The following ARPC4 variants were observed in gnomAD, a reference collection of about 807,000 sequenced individuals.
ARPC4 encodes the protein actin related protein 2/3 complex subunit 4.
Under a neutral mutation model 22.8 loss-of-function variants are expected in ARPC4, and 3 were observed. The ratio of observed to expected loss-of-function variants is 0.13; its 90% CI spans 0.06 to 0.34. The LOEUF is 0.34. ARPC4 is among the 10% of genes least tolerant of loss of function. The pLI, the probability that ARPC4 is intolerant of heterozygous loss-of-function variation, is 1.00. For missense variants in ARPC4, 98 were observed against 211.0 expected, an observed-to-expected ratio of 0.46 and a Z score of 3.32; for synonymous variants, 80 against 72.5, an observed-to-expected ratio of 1.10 and a Z score of -0.52.
chr3:9,794,640 C>T (rs1222022143), intron 1 of ARPC4, among the ~76,000 whole-genome samples: 1 of 152,120 alleles, frequency 6.6e-6, no homozygotes, highest in Admixed American at 6.5e-5. Flanking sequence ...TGTGAATAGC[C>T]ACTGCACTTC....
In ARPC4 at chr3:9,801,739, C is replaced by G; in HGVS notation, c.313C>G (p.Arg105Gly). 1 of 1,603,216 alleles carries G rather than the reference C, an allele frequency of 6.2e-7. No individual in the cohort carries two copies. The highest frequency in any genetic ancestry group is 8.5e-7 in the Non-Finnish European group (1 of 1,173,336). ...MMRAENFFILRRKPVEGYDIS... is the reference protein window; with the variant it reads ...MMRAENFFILGRKPVEGYDIS... ...GCGAGCAGAGAACTTCTTTATCCTT[C>G]GAAGGAAGCCTGTGGAGGTGAGACC... Residue 105 changes from arginine (R) to glycine (G), a missense_variant, in exon 4 of 6, where the codon CGA becomes GGA. Arg to Gly is a moderately radical substitution (Grantham distance 125). Coordinates refer to ENST00000397261, the MANE Select transcript of ARPC4 (RefSeq NM_005718.5).
At chr3:9,802,649 A>C (rs745891132) in intron 4 of ARPC4, among the ~76,000 whole-genome samples, 3 of 142,826 alleles carry the variant, frequency 2.1e-5, no homozygotes, top group Admixed American at 7.1e-5. Flanking sequence ...TGCTGGGATT[A>C]CAGGCTTGAG....
In ARPC4 at chr3:9,797,751, A is replaced by G. The variant is rs774729145; in HGVS notation, c.96A>G (p.Arg32=). The G allele has an allele frequency of 1.9e-6, 3 of 1,614,150 alleles. No homozygotes were observed. Among genetic ancestry groups the G allele is most frequent in the Non-Finnish European group, 2.5e-6 (3 of 1,180,026 alleles). ...LENFSSQVVE[R]HNKPEVEVRS... is the part of the protein sequence containing the mutation. ...ACTTCTCCTCCCAGGTTGTGGAACG[A>G]CACAACAAGCCGGAAGTGGAAGTCA... The change falls in exon 2 of 6, where the codon CGA becomes CGG. Residue 32 remains arginine (R), a synonymous_variant. Transcript: ENST00000397261.
In ARPC4 at chr3:9,806,514, GTCTTT is replaced by G; in HGVS notation, c.*301_*305del. On this transcript the variant is annotated 3_prime_UTR_variant, in exon 6 of 6. Transcript: ENST00000397261. ...GCTTGTAGGATACTGTAACCTTTTT[GTCTTT>G]TTTTTTTTTTTTTTTTTTAAACCTC... 3.2e-6 allele frequency: 1 copy of G among 309,686 alleles called. No homozygotes were observed. 19.2% of individuals were successfully genotyped at this position (309,686 alleles called of 1,614,324 possible). A position where few individuals can be genotyped will look rare whatever the true frequency, so the allele number is the denominator to read the frequency against.
chr3:9,801,771 C>T lies in ARPC4; in HGVS notation c.330+15C>T. On this transcript the variant is annotated intron_variant, in intron 4 of 5. Coordinates refer to ENST00000397261, the MANE Select transcript of ARPC4 (RefSeq NM_005718.5). ...AGCCTGTGGAGGTGAGACCCTGTGA[C>T]CCATGAGTTTGCGATACCCAGGACC... 3 of 1,586,722 alleles carry T rather than the reference C, an allele frequency of 1.9e-6. No individual in the cohort carries two copies. The highest frequency in any genetic ancestry group is 1.7e-6 in the Non-Finnish European group (2 of 1,162,744).
At chr3:9,792,733 G>C (rs1009670782), upstream of ARPC4, 2 of 1,240,260 alleles carry the variant, frequency 1.6e-6, no homozygotes, top group South Asian at 3.6e-5. Flanking sequence ...AAGGATGGGG[G>C]TACAGAACCG....
chr3:9,803,627 A>G, intron 4 of ARPC4: 1 of 712,828 alleles, frequency 1.4e-6, no homozygotes, highest in Non-Finnish European at 2.6e-6. Flanking sequence ...TCTGATACAC[A>G]CAGAATTCTC....
chr3:9,797,793 T>A lies in ARPC4; in HGVS notation c.122+16T>A. Reference sequence around the variant, plus strand: ...TGGAAGTCAGGTAGGGAAGGACAAGTCAAGGTGGGGATGAGGGGTGCAGCA... The same window carrying A: ...TGGAAGTCAGGTAGGGAAGGACAAGACAAGGTGGGGATGAGGGGTGCAGCA... On this transcript the variant is annotated intron_variant, in intron 2 of 5. Transcript: ENST00000397261. The A allele has an allele frequency of 6.2e-7, 1 of 1,611,974 alleles. No homozygotes were observed. Among genetic ancestry groups the A allele is most frequent in the South Asian group, 1.1e-5 (1 of 90,960 alleles).
At chr3:9,795,740 A>G (rs375326816) in intron 1 of ARPC4, among the ~76,000 whole-genome samples, 10 of 152,218 alleles carry the variant, frequency 6.6e-5, no homozygotes, top group Non-Finnish European at 8.8e-5. Flanking sequence ...AGCTGTGAAT[A>G]AAATAGATAT....
intron 3 of ARPC4, 73 bp downstream of exon 3, chr3:9,800,369 C>T: frequency 6.9e-7 from 1 of 1,447,240 alleles, no homozygotes. Flanking sequence ...TCCGGGGTCC[C>T]CATCTGAGAG....
In ARPC4 at chr3:9,806,303, C is replaced by T. The variant is rs749507883; in HGVS notation, c.*88C>T. The T allele has an allele frequency of 2.2e-5, 33 of 1,490,678 alleles. No homozygotes were observed. Among genetic ancestry groups the T allele is most frequent in the Admixed American group, 2.0e-4 (12 of 59,800 alleles). 92.3% of individuals were successfully genotyped at this position (1,490,678 alleles called of 1,614,324 possible). The stretch of plus-strand genomic sequence containing the variant: ...TGGAGTCACTCCCCGAGCAGCGCGG[C>T]GGCGGCAGGGAGTTGGGTTGGGGTG... On this transcript the variant is annotated 3_prime_UTR_variant, in exon 6 of 6. Transcript: ENST00000397261.
At chr3:9,796,814 G>A (rs1050523693) in intron 1 of ARPC4, among the ~76,000 whole-genome samples, 37 of 151,914 alleles carry the variant, frequency 2.4e-4, no homozygotes, top group Admixed American at 7.2e-4. Flanking sequence ...GGTGGTGGGC[G>A]CCTGTAGTCC....
intron 1 of ARPC4, among the ~76,000 whole-genome samples, chr3:9,795,978 C>T (rs1013684951): frequency 1.3e-5 from 2 of 152,152 alleles, no homozygotes; most frequent in Admixed American, 1.3e-4. Context: ...CACTTGTCAT[C>T]TCAGCTATTC....
chr3:9,794,247 C>T (rs928432833), intron 1 of ARPC4, among the ~76,000 whole-genome samples: 3 of 152,080 alleles, frequency 2.0e-5, no homozygotes, highest in Non-Finnish European at 2.9e-5. Flanking sequence ...CGCTTGTAAT[C>T]CCAGCACTTT....
At chr3:9,806,024 G>T (rs901166106) in intron 5 of ARPC4, among the ~76,000 whole-genome samples, 186 bp from the exon 6 acceptor site, 1 of 152,150 alleles carries the variant, frequency 6.6e-6, no homozygotes, top group Non-Finnish European at 1.5e-5. Context: ...GCTTAGGGCC[G>T]GTGCCCATAG....
At chr3:9,796,089 C>CT (rs1042251628) in intron 1 of ARPC4, among the ~76,000 whole-genome samples, 5 of 151,358 alleles carry the variant, frequency 3.3e-5, no homozygotes, top group African/African-American at 2.4e-5. Context: ...GAGTAAGACT[C>CT]TGTCTCAAAA....
At chr3:9,804,546 T>TC (rs1245760583) in intron 5 of ARPC4, among the ~76,000 whole-genome samples, 1 of 152,230 alleles carries the variant, frequency 6.6e-6, no homozygotes, top group Non-Finnish European at 1.5e-5. Flanking sequence ...ACTTTAGTCA[T>TC]CTGAAGAGGT....
upstream of ARPC4, chr3:9,792,825 G>C: frequency 7.4e-7 from 1 of 1,357,424 alleles, no homozygotes; most frequent in Admixed American, 3.6e-5. Flanking sequence ...TGCATACCTG[G>C]GGGAGGCTGT....
chr3:9,795,026 G>A (rs1360958894), intron 1 of ARPC4, among the ~76,000 whole-genome samples: 2 of 151,744 alleles, frequency 1.3e-5, no homozygotes, highest in Non-Finnish European at 2.9e-5. Context: ...TTTTTTTTAA[G>A]ACACAGTCTC....
Sources: gnomAD v4.1 joint callset for allele counts (sites outside exome capture counted in the v4.1 genomes callset) on GRCh38, gnomAD v4.1.1 for gene constraint, MANE v1.5 for transcripts, NCBI Gene and HGNC (gene_info 2026-07-23, HGNC 2026-07-21) for gene names.